YAP1: variants seen among roughly 807,000 people sequenced by gnomAD.
YAP1 encodes the protein transcriptional coactivator YAP1.
YAP1 carries 5 observed loss-of-function variants against 56.9 expected under a neutral mutation model. The ratio of observed to expected loss-of-function variants is 0.09; its 90% CI spans 0.05 to 0.18. The LOEUF (loss-of-function observed/expected upper bound fraction) is 0.18, where lower values mean the gene tolerates loss of function less well. YAP1 is among the 10% of genes least tolerant of loss of function. The pLI, the probability that YAP1 is intolerant of heterozygous loss-of-function variation, is 1.00. For missense variants in YAP1, 539 were observed against 651.8 expected (o/e 0.83, Z 1.88); for synonymous variants, 265 against 248.1 (o/e 1.07, Z -0.64).
intron 2 of YAP1, among the ~76,000 whole-genome samples, chr11:102,158,430 G>A (rs1386770178): frequency 6.6e-6 from 1 of 152,120 alleles, no homozygotes; most frequent in Non-Finnish European, 1.5e-5. Context: ...AGTATCTAAG[G>A]CAGTGCTTCT....
At chr11:102,149,965 T>G (rs569565303) in intron 2 of YAP1, among the ~76,000 whole-genome samples, 2 of 150,810 alleles carry the variant, frequency 1.3e-5, no homozygotes, top group Admixed American at 1.3e-4. Flanking sequence ...AAAAGAGATT[T>G]TGAGTAGTGT....
At chr11:102,162,364 G>T in intron 2 of YAP1, 92 bp from the exon 3 acceptor site, 3 of 1,059,666 alleles carry the variant, frequency 2.8e-6, no homozygotes, top group Non-Finnish European at 2.9e-6. Flanking sequence ...TACAGAGCTC[G>T]CTTGGCACCC....
chr11:102,179,700 T>C (rs1022975238), intron 3 of YAP1, among the ~76,000 whole-genome samples: 1 of 152,208 alleles, frequency 6.6e-6, no homozygotes, highest in Non-Finnish European at 1.5e-5. Flanking sequence ...CTTTCTTTCA[T>C]GCATGCTGCT....
intron 2 of YAP1, among the ~76,000 whole-genome samples, chr11:102,147,228 T>C (rs1018764393): frequency 6.6e-6 from 1 of 152,248 alleles, no homozygotes; most frequent in African/African-American, 2.4e-5. Context: ...CTCTGCGCTT[T>C]GTGCTTTAGC....
rs111626988 is a variant in YAP1 at position 102,110,834 on chromosome 11, G to T, written c.-15G>T. On this transcript the variant is annotated 5_prime_UTR_variant, in exon 1 of 9. Coordinates refer to ENST00000282441, the MANE Select transcript of YAP1 (RefSeq NM_001130145.3). The stretch of plus-strand genomic sequence containing the variant: ...CGCCTGGGTCAGGGGGTGCGCGTCG[G>T]GGGAGGCAGAAGCCATGGATCCCGG... 21 of 1,391,792 alleles carry T rather than the reference G, an allele frequency of 1.5e-5. No homozygotes were observed. Among genetic ancestry groups the T allele is most frequent in the Non-Finnish European group, 1.9e-5 (20 of 1,072,704 alleles). The allele number at this position is 1,391,792 out of a possible 1,614,324, so 86.2% of individuals were successfully genotyped here.
intron 6 of YAP1, among the ~76,000 whole-genome samples, chr11:102,213,300 C>T (rs1949499473): frequency 6.6e-6 from 1 of 151,952 alleles, no homozygotes; most frequent in Non-Finnish European, 1.5e-5. Flanking sequence ...GCCTGGTCAA[C>T]ATGGTGAAAC....
intron 8 of YAP1, 83 bp from the exon 9 acceptor site, chr11:102,229,619 G>C: frequency 3.0e-6 from 4 of 1,315,196 alleles, no homozygotes; most frequent in Non-Finnish European, 4.2e-6. Flanking sequence ...TTCTTTCCCT[G>C]TGCATTTCTC....
At chr11:102,211,768 A>G (rs994736908) in intron 6 of YAP1, among the ~76,000 whole-genome samples, 34 of 151,992 alleles carry the variant, frequency 2.2e-4, no homozygotes, top group African/African-American at 8.0e-4. Context: ...CAGTGGCGCA[A>G]TCTCAGCTCA....
chr11:102,114,517 G>T (rs1052366243), intron 2 of YAP1, 123 bp downstream of exon 2: 6 of 1,171,886 alleles, frequency 5.1e-6, no homozygotes, highest in Non-Finnish European at 7.0e-6. Flanking sequence ...TTTATGTTAA[G>T]CTCTGTAGCT....
chr11:102,180,717 AAAT>A (rs1258207584), intron 3 of YAP1, among the ~76,000 whole-genome samples: 1 of 151,770 alleles, frequency 6.6e-6, no homozygotes, highest in South Asian at 2.1e-4. Context: ...ATCAAAACAA[AAAT>A]AATAATACTG....
At chr11:102,146,536 TC>T (rs1232041451) in intron 2 of YAP1, among the ~76,000 whole-genome samples, 2 of 152,248 alleles carry the variant, frequency 1.3e-5, no homozygotes, top group Non-Finnish European at 2.9e-5. Flanking sequence ...TTTAAGGCTC[TC>T]AGATCTAACT....
chr11:102,158,855 G>T (rs542789318), intron 2 of YAP1, among the ~76,000 whole-genome samples: 5 of 152,250 alleles, frequency 3.3e-5, no homozygotes, highest in Middle Eastern at 3.4e-3. Context: ...TTAAATAAGG[G>T]TTATAGATTC....
chr11:102,192,191 CACATGTGT>C (rs1948326743), intron 4 of YAP1, among the ~76,000 whole-genome samples: 1 of 152,216 alleles, frequency 6.6e-6, no homozygotes. Context: ...TACTTCCTTT[CACATGTGT>C]GAATACAGCT....
chr11:102,138,428 C>A (rs554149858), intron 2 of YAP1, among the ~76,000 whole-genome samples: 26 of 152,142 alleles, frequency 1.7e-4, no homozygotes, highest in Non-Finnish European at 2.6e-4. Context: ...TTTCTTTTCA[C>A]GTTTTCACCA....
chr11:102,205,013 A>T (rs954263544), intron 4 of YAP1, among the ~76,000 whole-genome samples: 1 of 152,150 alleles, frequency 6.6e-6, no homozygotes, highest in Non-Finnish European at 1.5e-5. Flanking sequence ...TATTCTTACT[A>T]ACATTTTCAC....
intron 2 of YAP1, among the ~76,000 whole-genome samples, chr11:102,161,053 CTTTTTTTTTTTTTT>C (rs67023819): frequency 1.3e-5 from 1 of 75,492 alleles, no homozygotes; most frequent in African/African-American, 5.6e-5. Context: ...TAATTTCTTT[CTTTTTTTTTTTTTT>C]TTTTTTTTTT....
intron 2 of YAP1, among the ~76,000 whole-genome samples, chr11:102,136,668 G>T (rs566555247): frequency 6.6e-6 from 1 of 151,962 alleles, no homozygotes; most frequent in Non-Finnish European, 1.5e-5. Context: ...TTCTATATTC[G>T]AAAAGTTTCA....
chr11:102,113,073 A>G (rs1435231040), intron 1 of YAP1, among the ~76,000 whole-genome samples: 1 of 152,202 alleles, frequency 6.6e-6, no homozygotes, highest in African/African-American at 2.4e-5. Flanking sequence ...CCTAAATCAT[A>G]CTTATTCTGA....
At chr11:102,161,753 C>A (rs534888263) in intron 2 of YAP1, among the ~76,000 whole-genome samples, 2 of 152,246 alleles carry the variant, frequency 1.3e-5, no homozygotes, top group East Asian at 3.9e-4. Flanking sequence ...TGTCAGATAA[C>A]GTGCTAGATG....
Sources: gnomAD v4.1 joint callset for allele counts (sites outside exome capture counted in the v4.1 genomes callset) on GRCh38, gnomAD v4.1.1 for gene constraint, MANE v1.5 for transcripts, NCBI Gene and HGNC (gene_info 2026-07-23, HGNC 2026-07-21) for gene names.